The following AK3 variants were observed in gnomAD, a reference collection of about 807,000 sequenced individuals.
AK3 encodes adenylate kinase 3.
A neutral mutation model predicts 23.7 loss-of-function variants in AK3; 27 were observed. The observed-to-expected ratio is 1.14, with a 90% CI of 0.84 to 1.57. The LOEUF (loss-of-function observed/expected upper bound fraction) is 1.57. Among genes scored for constraint, AK3 ranks in the 40% most tolerant of loss-of-function variants. The probability of loss-of-function intolerance (pLI) is 0.00; values close to 1 mark genes in which losing one functional copy is unlikely to be tolerated. For missense variants in AK3, 406 were observed against 285.6 expected (o/e 1.42, Z -3.04); for synonymous variants, 159 against 116.0 (o/e 1.37, Z -2.38).
At position 4,741,153 on chromosome 9, in the gene AK3, C is replaced by G. The variant is rs1201032436; in HGVS notation, c.-66G>C. On this transcript the variant is annotated 5_prime_UTR_variant, in exon 1 of 5. Transcript: ENST00000381809. ...TTGGCCTGGCCTGCGCGCTCACCCG[C>G]TCGGCAGCCTGCGCCGGCCGGCTAG... 1 of 1,332,118 alleles carries G rather than the reference C, an allele frequency of 7.5e-7. No homozygotes were observed. The allele number at this position is 1,332,118 out of a possible 1,614,324, so 82.5% of individuals were successfully genotyped here.
intron 1 of AK3, among the ~76,000 whole-genome samples, chr9:4,725,615 C>T (rs181483955): frequency 3.2e-4 from 49 of 151,420 alleles, no homozygotes; most frequent in Admixed American, 2.0e-3. Flanking sequence ...AAAAAAGAAA[C>T]GAAAAGAAAA....
chr9:4,735,226 TATATATATATA>T (rs1563798090), intron 1 of AK3, among the ~76,000 whole-genome samples: 1 of 113,412 alleles, frequency 8.8e-6, no homozygotes, highest in African/African-American at 3.4e-5. Context: ...TGAGACCCCA[TATATATATATA>T]CATATATAAA....
chr9:4,738,921 G>A (rs987180569), intron 1 of AK3, among the ~76,000 whole-genome samples: 1 of 151,882 alleles, frequency 6.6e-6, no homozygotes, highest in Non-Finnish European at 1.5e-5. Context: ...ACAGGCGCGA[G>A]CCACCATGCC....
intron 1 of AK3, among the ~76,000 whole-genome samples, chr9:4,737,271 G>A (rs1018004943): frequency 6.8e-6 from 1 of 146,686 alleles, no homozygotes; most frequent in Non-Finnish European, 1.5e-5. Context: ...AAAAGTTTTT[G>A]TCTATCTAAA....
chr9:4,718,384 CT>C, intron 4 of AK3, 34 bp downstream of exon 4: 1 of 1,491,024 alleles, frequency 6.7e-7, no homozygotes, highest in South Asian at 1.1e-5. Flanking sequence ...TAGTGCACCA[CT>C]ACGCAAGAGA....
At chr9:4,729,319 T>A (rs1045024182) in intron 1 of AK3, among the ~76,000 whole-genome samples, 5 of 152,108 alleles carry the variant, frequency 3.3e-5, no homozygotes, top group African/African-American at 1.2e-4. Flanking sequence ...TTAAATAAAA[T>A]TTTTTAAATT....
At chr9:4,740,103 T>A (rs1356669471) in intron 1 of AK3, among the ~76,000 whole-genome samples, 1 of 150,444 alleles carries the variant, frequency 6.6e-6, no homozygotes, top group African/African-American at 2.4e-5. Context: ...AAAAAGGCCT[T>A]GTGGAAGCAT....
Position 4,733,908 on chromosome 9 carries a change from C to T in AK3, c.151+7029G>A, listed in dbSNP as rs114315135. Among the ~76,000 whole-genome samples, 611 of 152,288 alleles carry T rather than the reference C, an allele frequency of 4.0e-3. 5 individuals carry two copies. The highest frequency in any genetic ancestry group is 0.014 in the African/African-American group (580 of 41,548). ...CCCTTCATGGTCAAGTGTCCCTCAA[C>T]CTCCTAGGGAACTGGAAGCTCCCCC... On this transcript the variant is annotated intron_variant, in intron 1 of 4. Transcript: ENST00000381809.
At chr9:4,729,833 T>TAAAAAAAA (rs55934908) in intron 1 of AK3, among the ~76,000 whole-genome samples, 1 of 132,802 alleles carries the variant, frequency 7.5e-6, no homozygotes, top group Non-Finnish European at 1.6e-5. Context: ...CTGTGTCTCT[T>TAAAAAAAA]AAAAAAAAAA....
intron 1 of AK3, among the ~76,000 whole-genome samples, chr9:4,727,415 T>A (rs908067664): frequency 6.6e-6 from 1 of 152,238 alleles, no homozygotes; most frequent in African/African-American, 2.4e-5. Context: ...AGCTTCTACA[T>A]CAGCACTTGC....
intron 1 of AK3, among the ~76,000 whole-genome samples, chr9:4,728,866 T>TACACACACACACACACACACACACAC (rs57364192): frequency 3.4e-5 from 3 of 87,902 alleles, no homozygotes; most frequent in Admixed American, 1.3e-4. Context: ...TATATATATA[T>TACACACACACACACACACACACACAC]ACACACACAC....
intron 1 of AK3, among the ~76,000 whole-genome samples, chr9:4,739,382 C>T (rs962016641): frequency 6.6e-6 from 1 of 151,244 alleles, no homozygotes; most frequent in Non-Finnish European, 1.5e-5. Context: ...TTTATAGAGA[C>T]GCAGTTTCAC....
intron 1 of AK3, among the ~76,000 whole-genome samples, chr9:4,736,806 G>C (rs1183873930): frequency 1.3e-5 from 2 of 151,818 alleles, no homozygotes; most frequent in African/African-American, 2.4e-5. Flanking sequence ...GCCTCTCAGA[G>C]AGCTGAGACT....
intron 1 of AK3, among the ~76,000 whole-genome samples, chr9:4,726,599 G>A (rs566037462): frequency 6.6e-6 from 1 of 152,040 alleles, no homozygotes; most frequent in Admixed American, 6.6e-5. Context: ...TAGTTCTCTT[G>A]CTATTTCCAC....
chr9:4,721,663 T>G (rs979963697), intron 2 of AK3, among the ~76,000 whole-genome samples: 1 of 152,118 alleles, frequency 6.6e-6, no homozygotes, highest in Admixed American at 6.5e-5. Flanking sequence ...TTCACCATGT[T>G]GGCCAGGCTG....
intron 1 of AK3, among the ~76,000 whole-genome samples, chr9:4,730,124 G>C (rs1186280133): frequency 6.6e-6 from 1 of 152,166 alleles, no homozygotes; most frequent in Non-Finnish European, 1.5e-5. Flanking sequence ...TTTAGAATAG[G>C]CAAATCTAAA....
intron 4 of AK3, 49 bp from the exon 5 acceptor site, chr9:4,713,145 CTAA>C: frequency 1.3e-6 from 2 of 1,594,946 alleles, no homozygotes; most frequent in Non-Finnish European, 1.7e-6. Flanking sequence ...CTGAGTCTTC[CTAA>C]TAAGCTCTTT....
At position 4,712,626 on chromosome 9, in the gene AK3, C is replaced by T. The variant is rs369263254; in HGVS notation, c.*350G>A. On this transcript the variant is annotated 3_prime_UTR_variant, in exon 5 of 5. Transcript: ENST00000381809. ...CCAAATGACATGTAACTTTTTTTAACTTTTCCAGAAAAATATGGAAACTTT... is the reference window on the plus strand; with the variant it reads ...CCAAATGACATGTAACTTTTTTTAATTTTTCCAGAAAAATATGGAAACTTT... 118 of 156,578 alleles carry T rather than the reference C, an allele frequency of 7.5e-4. 1 individual carries two copies. The highest frequency in any genetic ancestry group is 6.5e-3 in the Middle Eastern group (2 of 308). The allele number at this position is 156,578 out of a possible 1,614,324, so 9.7% of individuals were successfully genotyped here.
In AK3 at chr9:4,741,014, G is replaced by T; in HGVS notation, c.74C>A (p.Ser25Ter). Residue 25 changes from serine (S) to a stop codon, truncating the protein, a stop_gained, in exon 1 of 5, where the codon TCG becomes TAG. Coordinates refer to ENST00000381809, the MANE Select transcript of AK3 (RefSeq NM_016282.4). LOFTEE classifies it high-confidence loss of function. ...APGSGKGTVS[S>*]RITTHFELKH... ...CAGCTCGAAGTGTGTAGTGATGCGC[G>T]ACGACACGGTGCCCTTGCCCGAGCC... is the stretch of plus-strand genomic sequence containing the variant. 6.3e-7 allele frequency: 1 copy of T among 1,593,102 alleles called. No homozygotes were observed. The highest frequency in any genetic ancestry group is 8.5e-7 in the Non-Finnish European group (1 of 1,171,728).
Sources: allele counts gnomAD v4.1 joint callset (sites outside exome capture counted in the v4.1 genomes callset), GRCh38; gene constraint gnomAD v4.1.1; transcripts MANE v1.5; gene names NCBI Gene and HGNC (gene_info 2026-07-23, HGNC 2026-07-21).